The following CFAP299 variants were observed in gnomAD, a reference collection of about 807,000 sequenced individuals.
CFAP299 encodes the protein cilia and flagella associated protein 299.
CFAP299 carries 21 observed loss-of-function variants against 27.0 expected under a neutral mutation model. That is an observed-to-expected ratio of 0.78 (90% CI 0.55 to 1.12). The LOEUF is 1.12. Among genes scored for constraint, CFAP299 ranks in the 50% most tolerant of loss-of-function variants. The probability of loss-of-function intolerance (pLI) is 0.00; values close to 1 mark genes in which losing one functional copy is unlikely to be tolerated. For synonymous variants in CFAP299, 104 were observed against 98.1 expected (o/e 1.06, Z -0.36); for missense variants, 310 against 276.6 (o/e 1.12, Z -0.86).
chr4:80,687,762 T>C (rs1253746626), intron 3 of CFAP299, among the ~76,000 whole-genome samples: 1 of 152,124 alleles, frequency 6.6e-6, no homozygotes, highest in African/African-American at 2.4e-5. Context: ...ATTTCTGCAT[T>C]TCCATCTGAG....
intron 2 of CFAP299, among the ~76,000 whole-genome samples, chr4:80,547,073 G>A (rs1167700215): frequency 6.6e-6 from 1 of 151,876 alleles, no homozygotes; most frequent in Non-Finnish European, 1.5e-5. Context: ...AATCACCAAA[G>A]CAATTCTAAG....
At chr4:80,803,695 TA>T (rs1728724013) in intron 3 of CFAP299, among the ~76,000 whole-genome samples, 1 of 149,744 alleles carries the variant, frequency 6.7e-6, no homozygotes, top group African/African-American at 2.4e-5. Context: ...TTATTTAATA[TA>T]CAGAATATAC....
chr4:80,611,698 A>G (rs1737989840), intron 3 of CFAP299, among the ~76,000 whole-genome samples: 1 of 152,114 alleles, frequency 6.6e-6, no homozygotes, highest in South Asian at 2.1e-4. Context: ...TCCACTGAGC[A>G]AACTCTTTTG....
chr4:80,606,735 C>T (rs1021024724), intron 3 of CFAP299, among the ~76,000 whole-genome samples: 15 of 152,068 alleles, frequency 9.9e-5, no homozygotes, highest in African/African-American at 3.6e-4. Flanking sequence ...TAAGTTCATA[C>T]AAATGTGCTT....
intron 3 of CFAP299, among the ~76,000 whole-genome samples, chr4:80,846,131 A>G (rs1323009614): frequency 6.6e-6 from 1 of 152,190 alleles, no homozygotes; most frequent in Non-Finnish European, 1.5e-5. Flanking sequence ...AGACTTTATT[A>G]GAGGCACACT....
At chr4:80,755,815 C>T (rs1007554615) in intron 3 of CFAP299, among the ~76,000 whole-genome samples, 1 of 152,128 alleles carries the variant, frequency 6.6e-6, no homozygotes, top group African/African-American at 2.4e-5. Context: ...GCATAAACAG[C>T]ACTGTTCCTT....
At chr4:80,692,053 A>G (rs1453968454) in intron 3 of CFAP299, among the ~76,000 whole-genome samples, 1 of 152,240 alleles carries the variant, frequency 6.6e-6, no homozygotes, top group African/African-American at 2.4e-5. Context: ...GAGGATACAA[A>G]CAAATGGAAG....
At chr4:80,799,731 T>TATATAATATATAAA (rs1199692246) in intron 3 of CFAP299, among the ~76,000 whole-genome samples, 6 of 56,440 alleles carry the variant, frequency 1.1e-4, no homozygotes, top group African/African-American at 4.3e-4. Context: ...ATTTTATAAA[T>TATATAATATATAAA]ATATATATTT....
chr4:80,732,971 CAT>C (rs1324577788), intron 3 of CFAP299, among the ~76,000 whole-genome samples: 1 of 152,062 alleles, frequency 6.6e-6, no homozygotes, highest in East Asian at 1.9e-4. Context: ...CAGTAATACA[CAT>C]GTGTTATTAC....
At chr4:80,822,333 C>T (rs1358272844) in intron 3 of CFAP299, among the ~76,000 whole-genome samples, 3 of 151,896 alleles carry the variant, frequency 2.0e-5, no homozygotes, top group Non-Finnish European at 4.4e-5. Context: ...TTTTAAATTC[C>T]ATGAATTCAC....
intron 2 of CFAP299, among the ~76,000 whole-genome samples, chr4:80,546,167 T>C (rs1734217347): frequency 6.6e-6 from 1 of 152,078 alleles, no homozygotes; most frequent in Admixed American, 6.5e-5. Flanking sequence ...GCTGGAAACA[T>C]TAACCTTGAG....
At chr4:80,564,463 T>C (rs1304365114) in intron 2 of CFAP299, among the ~76,000 whole-genome samples, 28 of 152,034 alleles carry the variant, frequency 1.8e-4, no homozygotes, top group Admixed American at 1.8e-3. Flanking sequence ...GAAAGAGTAT[T>C]TGATATAATT....
intron 4 of CFAP299, among the ~76,000 whole-genome samples, chr4:80,941,896 G>T (rs1443549703): frequency 6.6e-6 from 1 of 152,116 alleles, no homozygotes; most frequent in African/African-American, 2.4e-5. Flanking sequence ...CTATTGTGAG[G>T]ACAGTACCAA....
At position 80,379,452 on chromosome 4, in the gene CFAP299, T is replaced by A. The variant is rs570363781; in HGVS notation, c.242+16568T>A. On this transcript the variant is annotated intron_variant, in intron 2 of 5. Coordinates refer to ENST00000358105, the MANE Select transcript of CFAP299 (RefSeq NM_152770.3). ...TCCTAGTTGCATTGTAATTAATTTG[T>A]TTTAGTTTTCTAGTGCTTTAATGTA... Among the ~76,000 whole-genome samples, 122 of 149,358 alleles carry A rather than the reference T, an allele frequency of 8.2e-4. 3 individuals carry two copies. The South Asian group carries it at 0.025, about 31-fold the overall frequency.
chr4:80,573,250 A>G (rs1476199538), intron 2 of CFAP299, among the ~76,000 whole-genome samples: 1 of 151,992 alleles, frequency 6.6e-6, no homozygotes, highest in African/African-American at 2.4e-5. Context: ...TTATATGCCT[A>G]TTTGTCATTT....
chr4:80,918,678 A>G (rs1735885170), intron 4 of CFAP299, among the ~76,000 whole-genome samples: 1 of 152,084 alleles, frequency 6.6e-6, no homozygotes, highest in Admixed American at 6.6e-5. Context: ...TTTGTTGCCG[A>G]TCATATCTCT....
intron 2 of CFAP299, among the ~76,000 whole-genome samples, chr4:80,579,187 C>T (rs1736041332): frequency 6.6e-6 from 1 of 152,132 alleles, no homozygotes; most frequent in South Asian, 2.1e-4. Flanking sequence ...TAATAGTGGC[C>T]TCCAACTTAT....
At chr4:80,881,195 G>A (rs1733686851) in intron 4 of CFAP299, among the ~76,000 whole-genome samples, 1 of 152,194 alleles carries the variant, frequency 6.6e-6, no homozygotes, top group South Asian at 2.1e-4. Context: ...AATGCTGAAG[G>A]ACTGGCAGAG....
chr4:80,736,197 G>C (rs1001373346), intron 3 of CFAP299, among the ~76,000 whole-genome samples: 1 of 152,062 alleles, frequency 6.6e-6, no homozygotes, highest in Non-Finnish European at 1.5e-5. Flanking sequence ...TTTTCCTCTA[G>C]GGTTTTTATG....
Sources: gnomAD v4.1 joint callset for allele counts (sites outside exome capture counted in the v4.1 genomes callset) on GRCh38, gnomAD v4.1.1 for gene constraint, MANE v1.5 for transcripts, NCBI Gene and HGNC (gene_info 2026-07-23, HGNC 2026-07-21) for gene names.